P2RX5: variants seen among roughly 807,000 people sequenced by gnomAD.
The protein encoded by P2RX5 is purinergic receptor P2X 5, also known as P2X purinoceptor 5.
A neutral mutation model predicts 54.1 loss-of-function variants in P2RX5; 46 were observed. The observed-to-expected ratio is 0.85, with a 90% CI of 0.67 to 1.09. The LOEUF (loss-of-function observed/expected upper bound fraction) is 1.09, where lower values mean the gene tolerates loss of function less well. P2RX5 is among the 50% of genes least tolerant of loss of function. The pLI, the probability that P2RX5 is intolerant of heterozygous loss-of-function variation, is 0.00. For synonymous variants in P2RX5, 226 were observed against 226.4 expected (o/e 1.00, Z 0.02); for missense variants, 566 against 549.8 (o/e 1.03, Z -0.29).
At chr17:3,715,479 G>A in the P2RX5 span, among the ~76,000 whole-genome samples, 2 of 152,208 alleles carry the variant, frequency 1.3e-5, no homozygotes, top group Admixed American at 1.3e-4. Context: ...GAAGTGAGCA[G>A]TCATGGAGGG....
the P2RX5 span, among the ~76,000 whole-genome samples, chr17:3,703,993 T>C: frequency 2.4e-4 from 37 of 152,064 alleles, no homozygotes; most frequent in African/African-American, 8.2e-4. Context: ...TCCCAGCTAC[T>C]CGGGAGGCTG....
the P2RX5 span, among the ~76,000 whole-genome samples, chr17:3,710,531 T>C: frequency 6.6e-6 from 1 of 152,006 alleles, no homozygotes; most frequent in Non-Finnish European, 1.5e-5. Flanking sequence ...GGTGCCATTA[T>C]AATATAATTA....
chr17:3,718,547 AT>A, the P2RX5 span, among the ~76,000 whole-genome samples: 1 of 152,216 alleles, frequency 6.6e-6, no homozygotes, highest in East Asian at 1.9e-4. Context: ...GCTGAAATGC[AT>A]TTGGATACAG....
At chr17:3,688,859 C>T in intron 7 of P2RX5, 100 bp from the exon 8 acceptor site, 2 of 1,380,866 alleles carry the variant, frequency 1.4e-6, no homozygotes, top group African/African-American at 1.4e-5. Flanking sequence ...GGAGGAGGTG[C>T]TCAGGCACGA....
Position 3,690,943 on chromosome 17 carries a change from C to T in P2RX5, c.360+13G>A, listed in dbSNP as rs766328697. 1.6e-5 allele frequency: 25 copies of T among 1,610,334 alleles called. No individual in the cohort carries two copies. Among genetic ancestry groups the T allele is most frequent in the Non-Finnish European group, 2.0e-5 (24 of 1,178,322 alleles). ...CTCCCACCCCCACGCCAGGGCCCCTCGCCAAATCAAACCTCAGCACAGACG... is the reference window on the plus strand; with the variant it reads ...CTCCCACCCCCACGCCAGGGCCCCTTGCCAAATCAAACCTCAGCACAGACG... On this transcript the variant is annotated intron_variant, in intron 3 of 11. Transcript: ENST00000225328.
the P2RX5 span, among the ~76,000 whole-genome samples, chr17:3,704,374 G>A: frequency 6.6e-6 from 1 of 152,186 alleles, no homozygotes; most frequent in Non-Finnish European, 1.5e-5. Flanking sequence ...GGCAGGGGTG[G>A]TACGGGAAGA....
chr17:3,680,370 C>T (rs1192743465), intron 10 of P2RX5, among the ~76,000 whole-genome samples: 3 of 137,046 alleles, frequency 2.2e-5, no homozygotes, highest in African/African-American at 5.5e-5. Flanking sequence ...CTCCACCCTG[C>T]GTCCTCCACC....
At chr17:3,702,377 C>T in the P2RX5 span, among the ~76,000 whole-genome samples, 10 of 152,122 alleles carry the variant, frequency 6.6e-5, no homozygotes, top group Non-Finnish European at 1.0e-4. Flanking sequence ...TAAAATGGAC[C>T]AATCAGCGCT....
chr17:3,674,235 CG>C (rs1200033467), intron 11 of P2RX5, among the ~76,000 whole-genome samples: 1 of 151,876 alleles, frequency 6.6e-6, no homozygotes, highest in African/African-American at 2.4e-5. Context: ...GGCGTGAACC[CG>C]GGAGGCGGAG....
chr17:3,713,812 G>A, the P2RX5 span, among the ~76,000 whole-genome samples: 3 of 151,830 alleles, frequency 2.0e-5, no homozygotes, highest in Non-Finnish European at 4.4e-5. Context: ...GGAGTAGAAA[G>A]GAAATCTATA....
the P2RX5 span, chr17:3,723,380 C>T: frequency 8.7e-6 from 14 of 1,611,298 alleles, no homozygotes; most frequent in South Asian, 1.1e-4. Context: ...CATTCTTCCA[C>T]ATGCTGGAAA....
At chr17:3,709,942 A>T in the P2RX5 span, among the ~76,000 whole-genome samples, 1 of 151,882 alleles carries the variant, frequency 6.6e-6, no homozygotes, top group African/African-American at 2.4e-5. Context: ...AACAAAACAA[A>T]CAAAAATTAA....
chr17:3,711,677 C>T, the P2RX5 span, among the ~76,000 whole-genome samples: 478 of 151,500 alleles, frequency 3.2e-3, 11 homozygotes, highest in East Asian at 0.064. Context: ...AGCCACTGCG[C>T]CCGGCCTCAT....
intron 11 of P2RX5, chr17:3,675,773 G>A (rs12952013): frequency 9.8e-6 from 8 of 819,646 alleles, no homozygotes; most frequent in African/African-American, 3.7e-5. Context: ...GGCTGGTCTC[G>A]AACTCCTGAC....
intron 8 of P2RX5, 22 bp downstream of exon 8, chr17:3,688,604 G>A (rs1455638547): frequency 1.2e-6 from 2 of 1,613,816 alleles, no homozygotes. Flanking sequence ...CAGGTCACAA[G>A]TGGGCACAAG....
chr17:3,690,470 CA>C lies in P2RX5; in HGVS notation c.489del (p.Cys163TrpfsTer20), dbSNP rs1250943652. On this transcript the variant is annotated frameshift_variant, in exon 5 of 12. Coordinates refer to ENST00000225328, the MANE Select transcript of P2RX5 (RefSeq NM_002561.4). LOFTEE classifies it high-confidence loss of function. Reference sequence around the variant, plus strand: ...TCCAACGGGCACCAGGCAAAGATCTCACAGGTGCCCCTGGCCAAGTTCTCTC... The same window carrying C: ...TCCAACGGGCACCAGGCAAAGATCTCCAGGTGCCCCTGGCCAAGTTCTCTC... ...LRRENLARGT[C>X]EIFAWCPLET... 1 of 1,613,234 alleles carries C rather than the reference CA, an allele frequency of 6.2e-7. No homozygotes were observed. Among genetic ancestry groups the C allele is most frequent in the East Asian group, 2.2e-5 (1 of 44,860 alleles).
At chr17:3,678,436 G>A (rs537862407) in intron 11 of P2RX5, among the ~76,000 whole-genome samples, 41 of 152,372 alleles carry the variant, frequency 2.7e-4, no homozygotes, top group Non-Finnish European at 5.1e-4. Flanking sequence ...AAGCCAGGCC[G>A]TCGGGCTTCC....
chr17:3,712,684 T>C, the P2RX5 span, among the ~76,000 whole-genome samples: 57,716 of 152,088 alleles, frequency 0.38, 13,062 homozygotes, highest in South Asian at 0.59. Context: ...ATTTGGCTCA[T>C]GCCTGTAATC....
chr17:3,695,997 C>T lies in P2RX5; in HGVS notation c.9G>A (p.Gln3=). 6.2e-7 allele frequency: 1 copy of T among 1,613,838 alleles called. No homozygotes were observed. The highest frequency in any genetic ancestry group is 8.5e-7 in the Non-Finnish European group (1 of 1,179,864). Residue 3 remains glutamine, a synonymous_variant, in exon 1 of 12, where the codon CAG becomes CAA. Transcript: ENST00000225328. ...ACAGGCAGAGCCCCTTGCAGCCCGC[C>T]TGCCCCATGGCGCGCTCTCAGCCGG... is the stretch of plus-strand genomic sequence containing the variant. MG[Q]AGCKGLCLSL... is the part of the protein sequence containing the mutation.
Sources: gnomAD v4.1 joint callset for allele counts (sites outside exome capture counted in the v4.1 genomes callset) on GRCh38, gnomAD v4.1.1 for gene constraint, MANE v1.5 for transcripts, NCBI Gene and HGNC (gene_info 2026-07-23, HGNC 2026-07-21) for gene names.